GIPC2: variants seen among roughly 807,000 people sequenced by gnomAD.
GIPC2 encodes GIPC PDZ domain containing family member 2.
In GIPC2, 30 loss-of-function variants were observed where a neutral mutation model predicts 30.6. The observed-to-expected ratio is 0.98, with a 90% CI of 0.73 to 1.33. The LOEUF (loss-of-function observed/expected upper bound fraction) is 1.33. Ranked by LOEUF, GIPC2 falls within the 40% of genes most tolerant of loss-of-function variation. GIPC2 has a pLI of 0.00. For missense variants in GIPC2, 414 were observed against 390.3 expected (o/e 1.06, Z -0.51); for synonymous variants, 167 against 150.0 (o/e 1.11, Z -0.83).
chr1:78,077,226 A>T (rs1271132179), intron 1 of GIPC2, among the ~76,000 whole-genome samples: 1 of 152,172 alleles, frequency 6.6e-6, no homozygotes, highest in Non-Finnish European at 1.5e-5. Context: ...AACTTAATTT[A>T]AAAAATGAAA....
At chr1:78,117,944 T>TG (rs1557548647) in intron 3 of GIPC2, among the ~76,000 whole-genome samples, 6 of 151,716 alleles carry the variant, frequency 4.0e-5, no homozygotes, top group Admixed American at 1.3e-4. Context: ...CTCTCTCTCT[T>TG]TTCTTTTCTT....
intron 2 of GIPC2, among the ~76,000 whole-genome samples, chr1:78,085,709 G>A (rs1216889335): frequency 3.3e-5 from 5 of 151,996 alleles, no homozygotes; most frequent in Non-Finnish European, 7.4e-5. Flanking sequence ...TGTGCATAGA[G>A]GTGTTTATAG....
intron 3 of GIPC2, among the ~76,000 whole-genome samples, chr1:78,117,887 G>A (rs1250208141): frequency 2.6e-5 from 4 of 151,988 alleles, no homozygotes; most frequent in Middle Eastern, 3.2e-3. Flanking sequence ...TTAAAAATCC[G>A]GAGATGCACA....
chr1:78,128,617 TG>T (rs1662829377), intron 5 of GIPC2, among the ~76,000 whole-genome samples: 1 of 152,212 alleles, frequency 6.6e-6, no homozygotes. Context: ...GGGAAGCAAA[TG>T]TATATATGTG....
chr1:78,133,750 TTGTGTGTGTGTGTGTGTGTG>T (rs3057089), intron 5 of GIPC2, among the ~76,000 whole-genome samples: 2 of 145,898 alleles, frequency 1.4e-5, no homozygotes, highest in African/African-American at 5.0e-5. Context: ...GAAAAAAAAA[TTGTGTGTGTGTGTGTGTGTG>T]TGTGTGTGTG....
At chr1:78,067,840 T>G (rs540293811) in intron 1 of GIPC2, among the ~76,000 whole-genome samples, 1 of 152,290 alleles carries the variant, frequency 6.6e-6, no homozygotes, top group South Asian at 2.1e-4. Context: ...AAGAACAAAT[T>G]TAATGTCTAT....
At chr1:78,056,295 G>A (rs1661294988) in intron 1 of GIPC2, among the ~76,000 whole-genome samples, 1 of 152,076 alleles carries the variant, frequency 6.6e-6, no homozygotes, top group African/African-American at 2.4e-5. Context: ...GGGCAACATG[G>A]TGAAACCCCG....
chr1:78,093,063 G>A (rs1410450448), intron 2 of GIPC2, among the ~76,000 whole-genome samples: 1 of 151,970 alleles, frequency 6.6e-6, no homozygotes, highest in Non-Finnish European at 1.5e-5. Context: ...ATACTGTGTG[G>A]TGAGACTCTG....
intron 4 of GIPC2, among the ~76,000 whole-genome samples, chr1:78,122,326 C>T (rs1279761933): frequency 2.6e-5 from 4 of 152,190 alleles, no homozygotes; most frequent in African/African-American, 9.7e-5. Flanking sequence ...ACAAATCACT[C>T]CTTTAATCAC....
At chr1:78,086,219 T>C (rs781060176) in intron 2 of GIPC2, among the ~76,000 whole-genome samples, 3 of 152,224 alleles carry the variant, frequency 2.0e-5, no homozygotes, top group African/African-American at 4.8e-5. Flanking sequence ...TTAATTTCCA[T>C]GTAATTGCAT....
At chr1:78,132,994 T>G (rs1344103085) in intron 5 of GIPC2, among the ~76,000 whole-genome samples, 1 of 152,206 alleles carries the variant, frequency 6.6e-6, no homozygotes, top group African/African-American at 2.4e-5. Flanking sequence ...GAGTTCTACT[T>G]CAGCAGTACT....
intron 1 of GIPC2, among the ~76,000 whole-genome samples, chr1:78,074,117 A>C (rs994968595): frequency 6.6e-6 from 1 of 152,234 alleles, no homozygotes; most frequent in Non-Finnish European, 1.5e-5. Context: ...ATACTTCAGG[A>C]AAGTTCATGC....
intron 2 of GIPC2, among the ~76,000 whole-genome samples, chr1:78,088,290 CA>C (rs756313209): frequency 1.3e-5 from 2 of 152,180 alleles, no homozygotes; most frequent in Non-Finnish European, 2.9e-5. Context: ...CATAAAGACA[CA>C]TGCATGTATA....
intron 1 of GIPC2, among the ~76,000 whole-genome samples, chr1:78,066,849 A>G (rs374239765): frequency 6.6e-6 from 1 of 152,212 alleles, no homozygotes; most frequent in East Asian, 1.9e-4. Context: ...GCATGGACAC[A>G]TAGAAAGAAG....
At chr1:78,072,067 A>G (rs534832047) in intron 1 of GIPC2, among the ~76,000 whole-genome samples, 46 of 152,266 alleles carry the variant, frequency 3.0e-4, no homozygotes, top group Admixed American at 1.2e-3. Flanking sequence ...CAATTACTAT[A>G]TATGTGACCC....
chr1:78,120,819 C>T (rs1003079676), intron 4 of GIPC2, among the ~76,000 whole-genome samples: 10 of 152,308 alleles, frequency 6.6e-5, no homozygotes, highest in South Asian at 4.2e-4. Context: ...CCGGGTCCCT[C>T]CCACAACATG....
At chr1:78,114,538 G>A (rs1662533742) in intron 3 of GIPC2, among the ~76,000 whole-genome samples, 1 of 151,964 alleles carries the variant, frequency 6.6e-6, no homozygotes, top group Admixed American at 6.6e-5. Flanking sequence ...GGTGAAAACT[G>A]CCCTCTGGAG....
rs1332223353 is a variant in GIPC2, at chr1:78,135,913, T to C, written c.*170T>C. 1.3e-5 allele frequency: 7 copies of C among 528,612 alleles called. No individual in the cohort carries two copies. The highest frequency in any genetic ancestry group is 2.3e-5 in the Non-Finnish European group (7 of 310,490). 32.7% of individuals were successfully genotyped at this position (528,612 alleles called of 1,614,324 possible). ...TGGTAATTTTGATTTCTGGGCACTT[T>C]TTAACATTGCTGATGTAGTATGCTT... is the stretch of plus-strand genomic sequence containing the variant. On this transcript the variant is annotated 3_prime_UTR_variant, in exon 6 of 6. Coordinates refer to ENST00000370759, the MANE Select transcript of GIPC2 (RefSeq NM_017655.6).
rs926315962 is a variant in GIPC2 at position 78,109,842 on chromosome 1, G to A, written c.608-9551G>A. 1.2e-4 allele frequency among the ~76,000 whole-genome samples: 19 copies of A among 152,112 alleles called. No homozygotes were observed. The East Asian group carries it at 3.1e-3, about 25-fold the overall frequency. The stretch of plus-strand genomic sequence containing the variant: ...GAAAATGTGGCACATATACACCATG[G>A]AATACTATGCAGCCATAAAAAATGA... On this transcript the variant is annotated intron_variant, in intron 3 of 5. Transcript: ENST00000370759.
Sources: allele counts gnomAD v4.1 joint callset (sites outside exome capture counted in the v4.1 genomes callset), GRCh38; gene constraint gnomAD v4.1.1; transcripts MANE v1.5; gene names NCBI Gene and HGNC (gene_info 2026-07-23, HGNC 2026-07-21).